The following MSR1 variants were observed in gnomAD, a reference collection of about 807,000 sequenced individuals.
MSR1 encodes macrophage scavenger receptor types I and II.
In MSR1, 53 loss-of-function variants were observed where a neutral mutation model predicts 47.2. That is an observed-to-expected ratio of 1.12 (90% CI 0.90 to 1.41). The LOEUF is 1.41. Ranked by LOEUF, MSR1 falls within the 40% of genes most tolerant of loss-of-function variation. The probability of loss-of-function intolerance (pLI) is 0.00; values close to 1 mark genes in which losing one functional copy is unlikely to be tolerated. For synonymous variants in MSR1, 239 were observed against 185.6 expected (o/e 1.29, Z -2.34); for missense variants, 786 against 546.9 (o/e 1.44, Z -4.36).
chr8:16,168,325 T>A, intron 4 of MSR1, 133 bp downstream of exon 4: 1 of 837,386 alleles, frequency 1.2e-6, no homozygotes, highest in Non-Finnish European at 2.0e-6. Flanking sequence ...TCTGGATAAG[T>A]TAGCCATAGA....
intron 8 of MSR1, among the ~76,000 whole-genome samples, chr8:16,130,306 G>A (rs1800226484): frequency 6.6e-6 from 1 of 152,160 alleles, no homozygotes; most frequent in South Asian, 2.1e-4. Context: ...AAGTCTGTCA[G>A]TGTCATTTTT....
intron 8 of MSR1, among the ~76,000 whole-genome samples, chr8:16,138,266 G>C (rs1800439949): frequency 6.6e-6 from 1 of 152,126 alleles, no homozygotes; most frequent in Admixed American, 6.5e-5. Flanking sequence ...ATTTAGGACA[G>C]AGCCTCACAC....
chr8:16,191,246 C>G (rs1306698492), intron 1 of MSR1, among the ~76,000 whole-genome samples: 3 of 152,082 alleles, frequency 2.0e-5, no homozygotes, highest in African/African-American at 7.2e-5. Flanking sequence ...TATATTGTGC[C>G]TGATGTCACT....
chr8:16,139,163 T>C (rs1218031327), intron 8 of MSR1, among the ~76,000 whole-genome samples: 1 of 152,236 alleles, frequency 6.6e-6, no homozygotes, highest in East Asian at 1.9e-4. Context: ...TCTTTTCTTT[T>C]TCTCGAGCAT....
At chr8:16,190,737 T>TTTTTTTTTTTA (rs1802176195) in intron 1 of MSR1, among the ~76,000 whole-genome samples, 1 of 151,458 alleles carries the variant, frequency 6.6e-6, no homozygotes, top group African/African-American at 2.4e-5. Context: ...CTTTTTGTTT[T>TTTTTTTTTTTA]TGAGATGGAG....
Position 16,168,470 on chromosome 8 carries a change from G to C in MSR1, c.618C>G (p.Phe206Leu), listed in dbSNP as rs373916907. The part of the protein sequence containing the change: ...NLNGKIQENT[F>L]KQQEEISKLE... ...CACAAACTCTTACCTCTTGTTGTTT[G>C]AAGGTATTCTCTTGGATTTTGCCAT... The change falls in exon 4 of 10, where the codon TTC becomes TTG. Residue 206 changes from phenylalanine (F) to leucine (L), a missense_variant. Coordinates refer to ENST00000262101, the MANE Select transcript of MSR1 (RefSeq NM_138715.3). 3.2e-5 allele frequency: 52 copies of C among 1,614,066 alleles called. No homozygotes were observed. In the African/African-American group the frequency reaches 5.9e-4, roughly 18 times the overall value.
In MSR1 at chr8:16,155,073, C is replaced by G. The variant is rs146631657; in HGVS notation, c.889G>C (p.Gly297Arg). Residue 297 changes from glycine (G) to arginine (R), a missense_variant, in exon 6 of 10, where the codon GGT becomes CGT. Transcript: ENST00000262101. ...GCTAAAATTACCATACCTATTGGACCTGGAAATCCTCGTGGACCACTTTCT... is the reference window on the plus strand; with the variant it reads ...GCTAAAATTACCATACCTATTGGACGTGGAAATCCTCGTGGACCACTTTCT... ...TGESGPRGFP[G>R]PIGPPGLKGD... The G allele has an allele frequency of 5.6e-6, 9 of 1,611,450 alleles. No homozygotes were observed. The highest frequency in any genetic ancestry group is 7.6e-6 in the Non-Finnish European group (9 of 1,178,244).
chr8:16,181,152 T>C (rs1033053153), intron 1 of MSR1, among the ~76,000 whole-genome samples: 6 of 152,074 alleles, frequency 3.9e-5, no homozygotes, highest in African/African-American at 1.4e-4. Flanking sequence ...ACAATAAAAC[T>C]TAGCAAAATT....
In MSR1 at chr8:16,131,440, A is replaced by T. The variant is rs1352831797; in HGVS notation, c.1034-10834T>A. ...CTATGTATCTGTTTACTCTGTTGAT[A>T]GTTTTTTTTTTTTTTTTTTTTTTTT... is the stretch of plus-strand genomic sequence containing the variant. On this transcript the variant is annotated intron_variant, in intron 8 of 9. Transcript: ENST00000262101. Among the ~76,000 whole-genome samples, 115 of 79,672 alleles carry T rather than the reference A, an allele frequency of 1.4e-3. 1 individual carries two copies. Among genetic ancestry groups the T allele is most frequent in the African/African-American group, 5.8e-3 (101 of 17,310 alleles). 52.3% of individuals were successfully genotyped at this position (79,672 alleles called of 152,430 possible).
intron 7 of MSR1, among the ~76,000 whole-genome samples, chr8:16,149,997 C>A (rs890816009): frequency 4.0e-5 from 6 of 151,492 alleles, no homozygotes; most frequent in African/African-American, 1.5e-4. Context: ...TTTCAAAAAT[C>A]TGATTTCAGA....
At chr8:16,149,071 A>C (rs1800775923) in intron 7 of MSR1, among the ~76,000 whole-genome samples, 1 of 152,148 alleles carries the variant, frequency 6.6e-6, no homozygotes, top group African/African-American at 2.4e-5. Context: ...CCTTTAGGGC[A>C]GTGAAACTAT....
intron 5 of MSR1, 39 bp from the exon 6 acceptor site, chr8:16,155,183 CA>C: frequency 6.6e-7 from 1 of 1,522,424 alleles, no homozygotes; most frequent in African/African-American, 1.4e-5. Flanking sequence ...AGTTGTAAAG[CA>C]TAGGAAAAAT....
At chr8:16,176,769 T>C (rs1009358474) in intron 2 of MSR1, among the ~76,000 whole-genome samples, 1 of 152,174 alleles carries the variant, frequency 6.6e-6, no homozygotes, top group African/African-American at 2.4e-5. Flanking sequence ...ACTCTCATCA[T>C]TTCTGTCTGT....
rs1469723556 is a variant in MSR1 at position 16,175,230 on chromosome 8, G to T, written c.174C>A (p.Leu58=). 6.2e-7 allele frequency: 1 copy of T among 1,613,986 alleles called. No individual in the cohort carries two copies. The highest frequency in any genetic ancestry group is 8.5e-7 in the Non-Finnish European group (1 of 1,180,004). The change falls in exon 3 of 10, where the codon CTC becomes CTA. Residue 58 remains leucine (L), a synonymous_variant. Coordinates refer to ENST00000262101, the MANE Select transcript of MSR1 (RefSeq NM_138715.3). ...GAGGGATGAGAACTGCAAACACGAG[G>T]AGGTAAAGGGCAATCAGTGCAGCTT... The part of the protein sequence containing the change: ...SFKAALIALY[L]LVFAVLIPLI...
chr8:16,188,872 G>C (rs1047850998), intron 1 of MSR1, among the ~76,000 whole-genome samples: 1 of 150,738 alleles, frequency 6.6e-6, no homozygotes, highest in Non-Finnish European at 1.5e-5. Context: ...AGTAGTCCAT[G>C]GTGTATATAT....
chr8:16,181,758 C>T (rs1314829527), intron 1 of MSR1, among the ~76,000 whole-genome samples: 6 of 151,498 alleles, frequency 4.0e-5, no homozygotes, highest in African/African-American at 1.5e-4. Context: ...TGTAACAAAC[C>T]TGCACATTTT....
At chr8:16,156,138 C>T (rs1800999352) in intron 5 of MSR1, among the ~76,000 whole-genome samples, 1 of 151,826 alleles carries the variant, frequency 6.6e-6, no homozygotes, top group African/African-American at 2.4e-5. Flanking sequence ...TCCTTTTCAA[C>T]ACCAGAAGAA....
chr8:16,112,526 G>A (rs183251952), intron 9 of MSR1, among the ~76,000 whole-genome samples: 357 of 152,084 alleles, frequency 2.3e-3, no homozygotes, highest in African/African-American at 8.3e-3. Flanking sequence ...AGACTATTGA[G>A]CCCAGGGGAA....
chr8:16,113,189 C>T (rs910031092), intron 9 of MSR1, among the ~76,000 whole-genome samples: 1 of 151,838 alleles, frequency 6.6e-6, no homozygotes, highest in African/African-American at 2.4e-5. Context: ...ACCTTGTGAT[C>T]CACCCACCTC....
Sources: gnomAD v4.1 joint callset for allele counts (sites outside exome capture counted in the v4.1 genomes callset) on GRCh38, gnomAD v4.1.1 for gene constraint, MANE v1.5 for transcripts, NCBI Gene and HGNC (gene_info 2026-07-23, HGNC 2026-07-21) for gene names.